MAGI2: variants seen among roughly 807,000 people sequenced by gnomAD.
MAGI2 encodes membrane-associated guanylate kinase, WW and PDZ domain-containing protein 2.
In MAGI2, 35 loss-of-function variants were observed where a neutral mutation model predicts 133.3. The observed-to-expected ratio is 0.26, with a 90% CI of 0.20 to 0.35. MAGI2 has a LOEUF of 0.35. Among genes scored for constraint, MAGI2 ranks in the 10% least tolerant of loss-of-function variants. MAGI2 has a pLI of 1.00. For missense variants in MAGI2, 1,636 were observed against 1,863.4 expected, an observed-to-expected ratio of 0.88 and a Z score of 2.25; for synonymous variants, 729 against 710.6, an observed-to-expected ratio of 1.03 and a Z score of -0.41.
chr7:79,088,615 T>G (rs1461893112), intron 1 of MAGI2, among the ~76,000 whole-genome samples: 2 of 152,146 alleles, frequency 1.3e-5, no homozygotes, highest in Admixed American at 1.3e-4. Flanking sequence ...CTTCCAGCTT[T>G]TGCCTATTCA....
intron 9 of MAGI2, among the ~76,000 whole-genome samples, chr7:78,337,939 G>A (rs977983413): frequency 4.0e-5 from 6 of 150,108 alleles, no homozygotes; most frequent in African/African-American, 1.5e-4. Context: ...AAGTACTTAT[G>A]AGCACCTGTT....
At chr7:78,349,908 C>T (rs1791320349) in intron 7 of MAGI2, among the ~76,000 whole-genome samples, 1 of 152,168 alleles carries the variant, frequency 6.6e-6, no homozygotes, top group South Asian at 2.1e-4. Context: ...CAAATGCCAT[C>T]CTTCTCATTG....
chr7:78,294,708 A>G (rs372555215), intron 9 of MAGI2, among the ~76,000 whole-genome samples: 76 of 152,276 alleles, frequency 5.0e-4, no homozygotes, highest in African/African-American at 1.7e-3. Flanking sequence ...CAACCGATCA[A>G]CAAGTATTTA....
In MAGI2 at chr7:78,123,643, A is replaced by C. The variant is rs558332414; in HGVS notation, c.3567+2051T>G. The stretch of plus-strand genomic sequence containing the variant: ...TAAAGGGCTGTTTCACCTTCTGGGA[A>C]GGACAAAATTTCAGCACGATACTCA... On this transcript the variant is annotated intron_variant, in intron 20 of 21. Coordinates refer to ENST00000354212, the MANE Select transcript of MAGI2 (RefSeq NM_012301.4). Among the ~76,000 whole-genome samples the C allele has an allele frequency of 1.3e-5, 2 of 152,336 alleles. 1 individual carries two copies. The highest frequency in any genetic ancestry group is 4.1e-4 in the South Asian group (2 of 4,832).
intron 9 of MAGI2, chr7:78,285,595 T>G (rs1489448015): frequency 2.0e-5 from 3 of 152,126 alleles, no homozygotes; most frequent in Non-Finnish European, 2.9e-5. Context: ...CCCGAAAGGT[T>G]AGTAACTTGC....
At chr7:78,857,031 A>G (rs1438344829) in intron 2 of MAGI2, among the ~76,000 whole-genome samples, 1 of 152,098 alleles carries the variant, frequency 6.6e-6, no homozygotes, top group Non-Finnish European at 1.5e-5. Context: ...ATGGGAGTTC[A>G]CTCATGATTT....
At chr7:79,330,350 C>T (rs539187430) in intron 1 of MAGI2, among the ~76,000 whole-genome samples, 1 of 151,782 alleles carries the variant, frequency 6.6e-6, no homozygotes, top group Non-Finnish European at 1.5e-5. Context: ...CCTGCCACCA[C>T]GCCCGGCTAA....
chr7:78,840,089 A>AT (rs903288944), intron 2 of MAGI2, among the ~76,000 whole-genome samples: 12 of 151,454 alleles, frequency 7.9e-5, no homozygotes, highest in Admixed American at 1.3e-4. Context: ...AGTTCACTTA[A>AT]TTTTTTTTTA....
At chr7:79,125,856 G>T (rs1362747670) in intron 1 of MAGI2, 5 of 462,328 alleles carry the variant, frequency 1.1e-5, no homozygotes, top group Non-Finnish European at 2.2e-5. Context: ...GAAGAGGAGA[G>T]CCAGAGAGTG....
chr7:79,001,281 A>G (rs1379187501), intron 2 of MAGI2, among the ~76,000 whole-genome samples: 1 of 152,154 alleles, frequency 6.6e-6, no homozygotes, highest in Non-Finnish European at 1.5e-5. Flanking sequence ...TTTACTTGGT[A>G]TACACTGGTA....
intron 2 of MAGI2, among the ~76,000 whole-genome samples, chr7:78,717,889 A>C (rs370193080): frequency 1.0e-3 from 157 of 152,294 alleles, no homozygotes; most frequent in African/African-American, 3.5e-3. Flanking sequence ...AATATAAGCA[A>C]ATACTGTGAA....
intron 2 of MAGI2, among the ~76,000 whole-genome samples, chr7:78,826,888 G>A (rs1790704774): frequency 6.6e-6 from 1 of 151,980 alleles, no homozygotes; most frequent in African/African-American, 2.4e-5. Context: ...CACAACTCCT[G>A]GAATTGAACA....
At chr7:78,144,368 G>C (rs2150565436) in intron 16 of MAGI2, among the ~76,000 whole-genome samples, 1 of 152,190 alleles carries the variant, frequency 6.6e-6, no homozygotes, top group Admixed American at 6.5e-5. Flanking sequence ...TATTCTGATA[G>C]AGGATTTAGC....
chr7:79,229,637 T>A (rs929563155), intron 1 of MAGI2, among the ~76,000 whole-genome samples: 1 of 152,196 alleles, frequency 6.6e-6, no homozygotes, highest in South Asian at 2.1e-4. Context: ...TTTAGCATAA[T>A]TGACCAAGAA....
intron 21 of MAGI2, among the ~76,000 whole-genome samples, chr7:78,056,343 A>G (rs1394314397): frequency 6.6e-6 from 1 of 152,206 alleles, no homozygotes; most frequent in African/African-American, 2.4e-5. Context: ...AATATAAATC[A>G]TTCTATTATA....
chr7:78,514,568 A>T (rs1468631052), intron 4 of MAGI2, among the ~76,000 whole-genome samples: 1 of 152,200 alleles, frequency 6.6e-6, no homozygotes, highest in Non-Finnish European at 1.5e-5. Context: ...ACCCCGCTCA[A>T]AAAAGATAAA....
intron 1 of MAGI2, among the ~76,000 whole-genome samples, chr7:79,122,346 C>G (rs1819976198): frequency 6.6e-6 from 1 of 152,118 alleles, no homozygotes; most frequent in Non-Finnish European, 1.5e-5. Context: ...TTAAACCAAC[C>G]AACTAGGTTC....
intron 1 of MAGI2, among the ~76,000 whole-genome samples, chr7:79,393,932 A>T (rs1188387611): frequency 6.6e-6 from 1 of 152,208 alleles, no homozygotes; most frequent in African/African-American, 2.4e-5. Flanking sequence ...GGGTGTCTAT[A>T]GAGCTACTAG....
At chr7:78,792,721 G>A (rs2151373312) in intron 2 of MAGI2, among the ~76,000 whole-genome samples, 1 of 152,176 alleles carries the variant, frequency 6.6e-6, no homozygotes, top group East Asian at 1.9e-4. Context: ...ACAAGTGTAA[G>A]TGGTTAACTG....
Sources: allele counts gnomAD v4.1 joint callset (sites outside exome capture counted in the v4.1 genomes callset), GRCh38; gene constraint gnomAD v4.1.1; transcripts MANE v1.5; gene names NCBI Gene and HGNC (gene_info 2026-07-23, HGNC 2026-07-21).